F8: variants seen among roughly 807,000 people sequenced by gnomAD.
The protein encoded by F8 is antihemophilic factor.
F8 carries 12 observed loss-of-function variants against 140.6 expected under a neutral mutation model. The ratio of observed to expected loss-of-function variants is 0.09; its 90% confidence interval spans 0.05 to 0.14. The LOEUF (loss-of-function observed/expected upper bound fraction) is 0.14. Ranked by LOEUF, F8 falls within the 10% of genes least tolerant of loss-of-function variation. F8 has a pLI of 1.00. For synonymous variants in F8, 585 were observed against 614.6 expected (o/e 0.95, Z 0.71); for missense variants, 1,354 against 1,720.7 (o/e 0.79, Z 3.77).
Position 154,854,590 on chromosome X carries a change from TTGTG to T in F8, c.6900+5838_6900+5841del, listed in dbSNP as rs112995374. 2.5e-3 allele frequency among the ~76,000 whole-genome samples: 250 copies of T among 100,464 alleles called. 1 individual carries two copies. Among genetic ancestry groups the T allele is most frequent in the African/African-American group, 8.2e-3 (231 of 28,171 alleles). The allele number at this position is 100,464 out of a possible 115,157, so 87.2% of individuals were successfully genotyped here. A position where few individuals can be genotyped will look rare whatever the true frequency, so the allele number is the denominator to read the frequency against. ...CTCCATAATCACATGAGCTAATTCC[TTGTG>T]TGTGTGTGTGTGTGTGTGTGTGTGT... On this transcript the variant is annotated intron_variant, in intron 25 of 25. Transcript: ENST00000360256.
intron 21 of F8, 49 bp downstream of exon 21, chrX:154,899,817 C>T (rs781794885): frequency 1.5e-5 from 16 of 1,081,349 alleles, no homozygotes; most frequent in South Asian, 3.7e-5. Flanking sequence ...ATAAGTAATG[C>T]AATTGATTGA....
At chrX:154,991,405 T>C (rs1299189116) in intron 4 of F8, among the ~76,000 whole-genome samples, 1 of 112,282 alleles carries the variant, frequency 8.9e-6, no homozygotes, top group Non-Finnish European at 1.9e-5. Context: ...TCTAGTGTCT[T>C]TTCTCTATAT....
rs188552242 is a variant in F8 at position 154,982,324 on chromosome X, G to A, written c.787+2363C>T. Among the ~76,000 whole-genome samples the A allele has an allele frequency of 2.6e-3, 280 of 105,808 alleles. 1 individual carries two copies. The highest frequency in any genetic ancestry group is 9.0e-3 in the African/African-American group (262 of 29,031). 91.9% of individuals were successfully genotyped at this position (105,808 alleles called of 115,157 possible). Reference sequence around the variant, plus strand: ...TAGCCAGTCGAGGTGGCGGGCGCCTGTAGTCCCAGCTACTCGGGAGGCTGA... The same window carrying A: ...TAGCCAGTCGAGGTGGCGGGCGCCTATAGTCCCAGCTACTCGGGAGGCTGA... On this transcript the variant is annotated intron_variant, in intron 6 of 25. Coordinates refer to ENST00000360256, the MANE Select transcript of F8 (RefSeq NM_000132.4).
intron 14 of F8, among the ~76,000 whole-genome samples, chrX:154,918,097 G>A (rs1254034506): frequency 8.9e-6 from 1 of 111,837 alleles, no homozygotes; most frequent in East Asian, 2.8e-4. Context: ...ATGAATTAGA[G>A]CTTCCTTACT....
intron 12 of F8, among the ~76,000 whole-genome samples, chrX:154,950,329 G>A (rs1164260070): frequency 8.9e-6 from 1 of 111,962 alleles, no homozygotes; most frequent in East Asian, 2.8e-4. Context: ...AGAAATTTAT[G>A]AGAGTTCTCA....
At chrX:154,861,994 C>T (rs1208580356) in intron 23 of F8, 128 bp from the exon 24 acceptor site, 2 of 806,197 alleles carry the variant, frequency 2.5e-6, no homozygotes, top group African/African-American at 4.1e-5. Flanking sequence ...AACTTTTGCA[C>T]AGATTCTGTT....
At chrX:154,987,656 A>G (rs1230036243) in intron 4 of F8, among the ~76,000 whole-genome samples, 1 of 112,952 alleles carries the variant, frequency 8.9e-6, no homozygotes, top group Non-Finnish European at 1.9e-5. Flanking sequence ...GTAACTTTTT[A>G]TACTTCTGCA....
chrX:155,018,415 C>T (rs1305801177), intron 1 of F8, among the ~76,000 whole-genome samples: 2 of 110,372 alleles, frequency 1.8e-5, no homozygotes, highest in African/African-American at 6.6e-5. Flanking sequence ...TAGCTACATG[C>T]CAATAAAGCA....
intron 14 of F8, among the ~76,000 whole-genome samples, chrX:154,908,162 T>C (rs2073047733): frequency 8.9e-6 from 1 of 112,250 alleles, no homozygotes; most frequent in Admixed American, 9.4e-5. Flanking sequence ...AGGAATCCAA[T>C]GTAATGTTTT....
chrX:155,022,681 C>CA lies in F8; in HGVS notation c.-130dup. On this transcript the variant is annotated 5_prime_UTR_variant, in exon 1 of 26. It removes an upstream start codon present in the reference 5' UTR. Coordinates refer to ENST00000360256, the MANE Select transcript of F8 (RefSeq NM_000132.4). Reference sequence around the variant, plus strand: ...GAAAAGTCCCAATTTCTTTGCAGAGCATTTTAAGGAACTTTACCCACTGGA... The same window carrying CA: ...GAAAAGTCCCAATTTCTTTGCAGAGCAATTTTAAGGAACTTTACCCACTGGA... 6 of 1,155,411 alleles carry CA rather than the reference C, an allele frequency of 5.2e-6. No homozygotes were observed. Among genetic ancestry groups the CA allele is most frequent in the Non-Finnish European group, 6.9e-6 (6 of 871,980 alleles).
chrX:154,890,828 TTAAA>T (rs1345570283), intron 22 of F8, among the ~76,000 whole-genome samples: 2 of 112,359 alleles, frequency 1.8e-5, no homozygotes, highest in Middle Eastern at 4.6e-3. Flanking sequence ...GATTCCTACA[TTAAA>T]TAAGCTATTC....
intron 21 of F8, among the ~76,000 whole-genome samples, chrX:154,896,518 C>CACACACACACACACACACAT (rs2072981316): frequency 9.2e-6 from 1 of 109,276 alleles, no homozygotes; most frequent in Non-Finnish European, 1.9e-5. Context: ...CACACACACA[C>CACACACACACACACACACAT]ACACACACAC....
intron 25 of F8, among the ~76,000 whole-genome samples, 168 bp from the exon 26 acceptor site, chrX:154,837,920 C>A (rs781824041): frequency 8.9e-6 from 1 of 112,000 alleles, no homozygotes; most frequent in East Asian, 2.8e-4. Flanking sequence ...ATTAAGAGCA[C>A]CCTGCTTTGG....
rs1191538151 is a variant in F8 at position 154,930,399 on chromosome X, T to C, written c.3391A>G (p.Thr1131Ala). The change falls in exon 14 of 26, where the codon ACT (threonine) becomes GCT (alanine). Residue 1131 changes from threonine (T) to alanine (A), a missense_variant. Around this residue, in one of 4 missense-constraint regions of F8, gnomAD observed 658 missense variants for 666.5 expected, o/e 0.99. Coordinates refer to ENST00000360256, the MANE Select transcript of F8 (RefSeq NM_000132.4). ...LPESARWIQR[T>A]HGKNSLNSGQ... is the part of the protein sequence containing the mutation. ...GAGTTCAGAGAGTTCTTTCCATGAGTCCTTTGTATCCACCTTGCTGATTCT... is the reference window on the plus strand; with the variant it reads ...GAGTTCAGAGAGTTCTTTCCATGAGCCCTTTGTATCCACCTTGCTGATTCT... 8.3e-7 allele frequency: 1 copy of C among 1,209,101 alleles called. No individual in the cohort carries two copies. Among genetic ancestry groups the C allele is most frequent in the Non-Finnish European group, 1.1e-6 (1 of 894,544 alleles).
At position 154,987,891 on chromosome X, in the gene F8, T is replaced by C. The variant is rs1557284376; in HGVS notation, c.602-586A>G. Among the ~76,000 whole-genome samples, 4 of 112,462 alleles carry C rather than the reference T, an allele frequency of 3.6e-5. No individual in the cohort carries two copies. The South Asian group carries it at 1.4e-3, about 40-fold the overall frequency. On this transcript the variant is annotated intron_variant, in intron 4 of 25. Transcript: ENST00000360256. ...CTTAGAATTATATATTTTTTAAATTTGACTGGAAACTTTTGTTTACAGGCT... is the reference window on the plus strand; with the variant it reads ...CTTAGAATTATATATTTTTTAAATTCGACTGGAAACTTTTGTTTACAGGCT...
At chrX:154,858,489 C>T (rs376448211) in intron 25 of F8, among the ~76,000 whole-genome samples, 4 of 112,590 alleles carry the variant, frequency 3.6e-5, no homozygotes, top group African/African-American at 1.3e-4. Flanking sequence ...ACTACTGCTT[C>T]ACAATGGAGG....
intron 14 of F8, among the ~76,000 whole-genome samples, chrX:154,915,089 A>T (rs28891166): frequency 0.1 from 11,231 of 111,530 alleles, 565 homozygotes; most frequent in South Asian, 0.34. Flanking sequence ...CATCTTCTTC[A>T]CAAGGTGGCA....
intron 22 of F8, among the ~76,000 whole-genome samples, chrX:154,891,444 CAGGTTACA>C (rs1285884112): frequency 8.9e-6 from 1 of 112,633 alleles, no homozygotes; most frequent in Non-Finnish European, 1.9e-5. Flanking sequence ...CAGTGAAACA[CAGGTTACA>C]TTCTCATTAA....
intron 1 of F8, among the ~76,000 whole-genome samples, chrX:155,015,119 A>T (rs1434767425): frequency 8.9e-6 from 1 of 112,312 alleles, no homozygotes; most frequent in African/African-American, 3.2e-5. Flanking sequence ...ATTTGCCTAT[A>T]TACAGTCATT....
Sources: allele counts gnomAD v4.1 joint callset (sites outside exome capture counted in the v4.1 genomes callset), GRCh38; gene constraint gnomAD v4.1.1; regional missense constraint gnomAD v4.1.1; transcripts MANE v1.5; gene names NCBI Gene and HGNC (gene_info 2026-07-23, HGNC 2026-07-21).